FRMPD4: variants seen among roughly 807,000 people sequenced by gnomAD.
The protein encoded by FRMPD4 is FERM and PDZ domain-containing protein 4.
Under a neutral mutation model 94.1 loss-of-function variants are expected in FRMPD4, and 22 were observed. The observed-to-expected ratio is 0.23, with a 90% CI of 0.17 to 0.33. The LOEUF (loss-of-function observed/expected upper bound fraction) is 0.33. FRMPD4 is among the 10% of genes least tolerant of loss of function. The pLI is 1.00. For synonymous variants in FRMPD4, 631 were observed against 548.6 expected (o/e 1.15, Z -2.10); for missense variants, 1,111 against 1,339.9 (o/e 0.83, Z 2.67).
At chrX:12,202,770 C>G (rs940691496) in intron 1 of FRMPD4, among the ~76,000 whole-genome samples, 1 of 111,933 alleles carries the variant, frequency 8.9e-6, no homozygotes. Context: ...AATAAGAAGG[C>G]TATGTGAAGA....
At chrX:12,156,761 A>G (rs1190765826) in intron 1 of FRMPD4, among the ~76,000 whole-genome samples, 1 of 112,367 alleles carries the variant, frequency 8.9e-6, no homozygotes, top group Non-Finnish European at 1.9e-5. Context: ...AAACCAATTA[A>G]ATTCTTAGAC....
At chrX:12,095,038 T>A (rs2055186525) in intron 3 of FRMPD4, among the ~76,000 whole-genome samples, 1 of 111,525 alleles carries the variant, frequency 9.0e-6, no homozygotes, top group Admixed American at 9.5e-5. Flanking sequence ...CAGCTCACTG[T>A]CTATATTTTC....
At chrX:12,437,061 G>GT (rs1461248664) in intron 1 of FRMPD4, among the ~76,000 whole-genome samples, 1 of 111,744 alleles carries the variant, frequency 8.9e-6, no homozygotes, top group Admixed American at 9.5e-5. Flanking sequence ...TAATTTTTAG[G>GT]TTTTTTATTT....
At chrX:12,510,906 T>C (rs1488882112) in intron 2 of FRMPD4, among the ~76,000 whole-genome samples, 1 of 111,771 alleles carries the variant, frequency 8.9e-6, no homozygotes, top group Non-Finnish European at 1.9e-5. Flanking sequence ...GGTGGCCTTC[T>C]TTGGAAGCTG....
At chrX:12,168,514 C>G (rs1303089239) in intron 1 of FRMPD4, among the ~76,000 whole-genome samples, 1 of 110,522 alleles carries the variant, frequency 9.0e-6, no homozygotes. Flanking sequence ...TTAGATGCTC[C>G]TGTTTGAATC....
chrX:11,834,444 A>G (rs1248355361), intron 1 of FRMPD4, among the ~76,000 whole-genome samples: 1 of 111,946 alleles, frequency 8.9e-6, no homozygotes, highest in Non-Finnish European at 1.9e-5. Flanking sequence ...TTACCACATA[A>G]TACCACACCG....
chrX:12,539,485 G>A (rs2058379691), intron 2 of FRMPD4, among the ~76,000 whole-genome samples: 1 of 111,825 alleles, frequency 8.9e-6, no homozygotes, highest in African/African-American at 3.3e-5. Context: ...ACACATATTT[G>A]TCAGATTCAC....
chrX:12,271,104 A>T (rs2054348992), intron 1 of FRMPD4, among the ~76,000 whole-genome samples: 1 of 112,134 alleles, frequency 8.9e-6, no homozygotes, highest in South Asian at 3.7e-4. Context: ...TCCCATATAC[A>T]CTAGGTAATT....
chrX:12,584,839 C>A (rs1315850462), intron 2 of FRMPD4, among the ~76,000 whole-genome samples: 2 of 112,301 alleles, frequency 1.8e-5, no homozygotes, highest in Non-Finnish European at 3.8e-5. Context: ...AATAAGTGTA[C>A]TACAATTATG....
At chrX:12,223,191 A>G (rs904941523) in intron 1 of FRMPD4, among the ~76,000 whole-genome samples, 2 of 112,059 alleles carry the variant, frequency 1.8e-5, no homozygotes, top group African/African-American at 6.5e-5. Context: ...TAGCAAAGAC[A>G]TGGAATCAAT....
chrX:11,883,682 G>C, intron 3 of FRMPD4, among the ~76,000 whole-genome samples: 1 of 111,716 alleles, frequency 9.0e-6, no homozygotes, highest in Non-Finnish European at 1.9e-5. Flanking sequence ...GAAATTCTAG[G>C]CTGCTAAGGA....
chrX:12,624,977 T>A (rs2059331948), intron 4 of FRMPD4, among the ~76,000 whole-genome samples: 1 of 111,351 alleles, frequency 9.0e-6, no homozygotes, highest in Non-Finnish European at 1.9e-5. Context: ...GGGCAAAAGA[T>A]CTGAATAGAC....
chrX:12,574,516 G>A (rs2058790402), intron 2 of FRMPD4, among the ~76,000 whole-genome samples: 1 of 108,649 alleles, frequency 9.2e-6, no homozygotes, highest in Non-Finnish European at 1.9e-5. Flanking sequence ...TCTATTTTTT[G>A]AAACAAAGTC....
At chrX:11,918,841 A>G (rs2054039679) in intron 3 of FRMPD4, among the ~76,000 whole-genome samples, 1 of 112,030 alleles carries the variant, frequency 8.9e-6, no homozygotes, top group Admixed American at 9.4e-5. Flanking sequence ...ATGAACGCAG[A>G]GATAGTCATG....
intron 1 of FRMPD4, among the ~76,000 whole-genome samples, chrX:11,847,993 T>C (rs1296085761): frequency 9.5e-6 from 1 of 104,981 alleles, no homozygotes; most frequent in Non-Finnish European, 1.9e-5. Flanking sequence ...GTAACTAACC[T>C]GCACATTGTG....
At chrX:12,535,064 A>G (rs962984645) in intron 2 of FRMPD4, among the ~76,000 whole-genome samples, 1 of 111,561 alleles carries the variant, frequency 9.0e-6, no homozygotes, top group Non-Finnish European at 1.9e-5. Flanking sequence ...GGTCTTTCCC[A>G]TGCTGTTCTT....
chrX:11,993,978 G>T (rs2054481311), intron 3 of FRMPD4, among the ~76,000 whole-genome samples: 1 of 111,333 alleles, frequency 9.0e-6, no homozygotes, highest in Non-Finnish European at 1.9e-5. Flanking sequence ...AACTGCAACA[G>T]AATGAAAATA....
intron 2 of FRMPD4, among the ~76,000 whole-genome samples, chrX:12,522,573 A>G (rs1387195496): frequency 4.9e-5 from 5 of 102,401 alleles, no homozygotes; most frequent in Non-Finnish European, 9.9e-5. Flanking sequence ...GATTGCTTTA[A>G]TGGCAATTGA....
chrX:12,438,205 A>G (rs1041814409), intron 1 of FRMPD4, among the ~76,000 whole-genome samples: 2 of 110,880 alleles, frequency 1.8e-5, no homozygotes, highest in African/African-American at 6.6e-5. Flanking sequence ...CAATTTTAGT[A>G]AAGTTCTAAA....
Sources: gnomAD v4.1 joint callset for allele counts (sites outside exome capture counted in the v4.1 genomes callset) on GRCh38, gnomAD v4.1.1 for gene constraint, MANE v1.5 for transcripts, NCBI Gene and HGNC (gene_info 2026-07-23, HGNC 2026-07-21) for gene names.